Variants in TLN2 observed in about 807,000 individuals in gnomAD.
TLN2 encodes the protein talin 2, also known as talin-2.
TLN2 carries 118 observed loss-of-function variants against 294.7 expected under a neutral mutation model. That is an observed-to-expected ratio of 0.40 (90% CI 0.34 to 0.47). The LOEUF (loss-of-function observed/expected upper bound fraction) is 0.47, where lower values mean the gene tolerates loss of function less well. Ranked by LOEUF, TLN2 falls within the 20% of genes least tolerant of loss-of-function variation. The pLI is 0.84. For synonymous variants in TLN2, 1,431 were observed against 1,304.5 expected, an observed-to-expected ratio of 1.10 and a Z score of -2.09; for missense variants, 3,083 against 3,282.2, an observed-to-expected ratio of 0.94 and a Z score of 1.48.
At chr15:62,457,618 G>T (rs2036557975) in intron 1 of TLN2, among the ~76,000 whole-genome samples, 1 of 152,196 alleles carries the variant, frequency 6.6e-6, no homozygotes, top group Non-Finnish European at 1.5e-5. Context: ...CAGCGTTCTG[G>T]TGGCGAGGCA....
intron 1 of TLN2, among the ~76,000 whole-genome samples, chr15:62,582,246 A>ACACACACCCACACCCC (rs764248336): frequency 7.3e-6 from 1 of 137,240 alleles, no homozygotes; most frequent in Non-Finnish European, 1.6e-5. Flanking sequence ...ACACACACAC[A>ACACACACCCACACCCC]CATTCATGCC....
At chr15:62,734,162 G>A (rs2060880056) in intron 28 of TLN2, 1 of 152,018 alleles carries the variant, frequency 6.6e-6, no homozygotes, top group Non-Finnish European at 1.5e-5. Context: ...GGATTTCTGC[G>A]TTTTTTTAAA....
chr15:62,492,965 G>T (rs2038828647), intron 1 of TLN2, among the ~76,000 whole-genome samples: 1 of 152,320 alleles, frequency 6.6e-6, no homozygotes, highest in Middle Eastern at 3.4e-3. Flanking sequence ...GACATTTGAG[G>T]ACTCGGAGAG....
intron 1 of TLN2, among the ~76,000 whole-genome samples, chr15:62,465,797 G>A (rs143179590): frequency 0.013 from 1,972 of 152,350 alleles, 11 homozygotes; most frequent in Middle Eastern, 0.037. Flanking sequence ...TTATTGTAAA[G>A]CATTTTTTTT....
At chr15:62,473,119 C>T (rs1357003649) in intron 1 of TLN2, among the ~76,000 whole-genome samples, 2 of 152,164 alleles carry the variant, frequency 1.3e-5, no homozygotes, top group Non-Finnish European at 2.9e-5. Flanking sequence ...CAGAGGTCAG[C>T]GTGGCATTAG....
chr15:62,471,946 G>A (rs191919810), intron 1 of TLN2, among the ~76,000 whole-genome samples: 2 of 152,248 alleles, frequency 1.3e-5, no homozygotes, highest in Admixed American at 6.5e-5. Context: ...GCTCGCAGTG[G>A]TGCATTTCCT....
intron 1 of TLN2, among the ~76,000 whole-genome samples, chr15:62,554,794 A>G (rs2042517487): frequency 6.6e-6 from 1 of 152,126 alleles, no homozygotes; most frequent in African/African-American, 2.4e-5. Context: ...TCTATTTTCC[A>G]GTGAGAGAGT....
chr15:62,837,387 C>T (rs1157081945), intron 57 of TLN2, among the ~76,000 whole-genome samples: 1 of 152,144 alleles, frequency 6.6e-6, no homozygotes, highest in African/African-American at 2.4e-5. Context: ...TTATTAGGTG[C>T]ATAATCTTAT....
At chr15:62,669,357 AGAG>A (rs1429537870) in intron 9 of TLN2, among the ~76,000 whole-genome samples, 1 of 152,206 alleles carries the variant, frequency 6.6e-6, no homozygotes, top group African/African-American at 2.4e-5. Flanking sequence ...GGTTTGTGAG[AGAG>A]GAGTCTGTTG....
At chr15:62,744,481 A>G (rs2061505297) in intron 32 of TLN2, among the ~76,000 whole-genome samples, 1 of 148,854 alleles carries the variant, frequency 6.7e-6, no homozygotes, top group Non-Finnish European at 1.5e-5. Context: ...CCTGGCCACA[A>G]CCTCTGGAGT....
chr15:62,751,959 A>AC (rs774781974), intron 34 of TLN2, among the ~76,000 whole-genome samples: 46 of 152,176 alleles, frequency 3.0e-4, no homozygotes, highest in Admixed American at 1.1e-3. Flanking sequence ...TTATGACCTC[A>AC]CCTACAGCTC....
chr15:62,510,331 G>C (rs764325239), intron 1 of TLN2, among the ~76,000 whole-genome samples: 2 of 152,202 alleles, frequency 1.3e-5, no homozygotes, highest in Non-Finnish European at 2.9e-5. Context: ...TTTGGGATCA[G>C]CTAGGCTTGG....
chr15:62,473,723 C>T (rs117845926), intron 1 of TLN2, among the ~76,000 whole-genome samples: 2,493 of 152,266 alleles, frequency 0.016, 33 homozygotes, highest in Non-Finnish European at 0.028. Context: ...TACAAGAAGC[C>T]GGTTTCCTCA....
intron 1 of TLN2, among the ~76,000 whole-genome samples, chr15:62,491,069 C>G (rs934104308): frequency 2.0e-5 from 3 of 152,168 alleles, no homozygotes; most frequent in Non-Finnish European, 4.4e-5. Context: ...CGCCTGTAAT[C>G]CCAGCACTGT....
intron 32 of TLN2, among the ~76,000 whole-genome samples, chr15:62,742,377 A>T (rs750007161): frequency 4.6e-5 from 7 of 152,130 alleles, no homozygotes; most frequent in Non-Finnish European, 1.0e-4. Context: ...AAGGCAACTG[A>T]CATTTCCAGG....
At chr15:62,781,752 G>GA (rs928064149) in intron 44 of TLN2, among the ~76,000 whole-genome samples, 28 of 150,364 alleles carry the variant, frequency 1.9e-4, no homozygotes, top group African/African-American at 5.4e-4. Context: ...TATGTAATAA[G>GA]AAAAAAAAAA....
chr15:62,460,391 A>G (rs1032342921), intron 1 of TLN2, among the ~76,000 whole-genome samples: 1 of 151,382 alleles, frequency 6.6e-6, no homozygotes, highest in Non-Finnish European at 1.5e-5. Context: ...CAGCCTCCCT[A>G]GTAGCTGGGA....
chr15:62,603,143 C>A (rs867192572), intron 2 of TLN2, among the ~76,000 whole-genome samples: 1 of 152,140 alleles, frequency 6.6e-6, no homozygotes, highest in Non-Finnish European at 1.5e-5. Context: ...CCACCTGCCT[C>A]GGCCTCCCAC....
At chr15:62,699,667 G>A (rs946734860) in intron 16 of TLN2, among the ~76,000 whole-genome samples, 2 of 152,172 alleles carry the variant, frequency 1.3e-5, no homozygotes, top group East Asian at 1.9e-4. Context: ...GCCTTCCCCA[G>A]CCTACTCAAA....
Sources: gnomAD v4.1 joint callset for allele counts (sites outside exome capture counted in the v4.1 genomes callset) on GRCh38, gnomAD v4.1.1 for gene constraint, MANE v1.5 for transcripts, NCBI Gene and HGNC (gene_info 2026-07-23, HGNC 2026-07-21) for gene names.